The following NHS variants were observed in gnomAD, a reference collection of about 807,000 sequenced individuals.
NHS encodes actin remodeling regulator NHS.
In NHS, 5 loss-of-function variants were observed where a neutral mutation model predicts 72.5. The ratio of observed to expected loss-of-function variants is 0.07; its 90% CI spans 0.04 to 0.14. The LOEUF (loss-of-function observed/expected upper bound fraction) is 0.14, where lower values mean the gene tolerates loss of function less well. NHS is among the 10% of genes least tolerant of loss of function. The probability of loss-of-function intolerance (pLI) is 1.00; values close to 1 mark genes in which losing one functional copy is unlikely to be tolerated. For synonymous variants in NHS, 464 were observed against 547.7 expected (o/e 0.85, Z 2.13); for missense variants, 1,072 against 1,355.7 (o/e 0.79, Z 3.29).
At chrX:17,655,655 C>T (rs2065950508) in intron 1 of NHS, among the ~76,000 whole-genome samples, 3 of 112,850 alleles carry the variant, frequency 2.7e-5, no homozygotes, top group Admixed American at 1.9e-4. Flanking sequence ...GTTTGGCTGC[C>T]GCAGTCCTCT....
intron 1 of NHS, among the ~76,000 whole-genome samples, chrX:17,656,214 G>T (rs951100911): frequency 1.8e-5 from 2 of 113,028 alleles, no homozygotes; most frequent in Admixed American, 9.2e-5. Flanking sequence ...GCGCACGGGC[G>T]GTAGGATTTC....
At chrX:17,388,048 C>T (rs774111646) in intron 1 of NHS, among the ~76,000 whole-genome samples, 79 of 112,597 alleles carry the variant, frequency 7.0e-4, no homozygotes, top group Non-Finnish European at 1.4e-3. Context: ...TGCTGTGTGT[C>T]TCTGCATGGT....
At chrX:17,681,059 T>C (rs1045632083) in intron 1 of NHS, among the ~76,000 whole-genome samples, 53 of 112,382 alleles carry the variant, frequency 4.7e-4, no homozygotes, top group African/African-American at 1.5e-3. Context: ...CTTGGGGACA[T>C]TGAACCTGTC....
chrX:17,433,297 C>T (rs1350766475), intron 1 of NHS, among the ~76,000 whole-genome samples: 3 of 106,029 alleles, frequency 2.8e-5, no homozygotes, highest in African/African-American at 1.0e-4. Flanking sequence ...GATCTGCCCA[C>T]CTCGGCCTCC....
intron 1 of NHS, among the ~76,000 whole-genome samples, chrX:17,608,164 C>G (rs1365805077): frequency 4.5e-5 from 5 of 110,668 alleles, no homozygotes; most frequent in Admixed American, 1.9e-4. Context: ...ATCCCCCTGC[C>G]TCCGCCTCCC....
chrX:17,515,599 C>T (rs763659182), intron 1 of NHS, among the ~76,000 whole-genome samples: 112 of 111,863 alleles, frequency 1.0e-3, no homozygotes, highest in African/African-American at 3.5e-3. Context: ...TCATCTATAG[C>T]CTGTTGAAGT....
rs1159647179 is a variant in NHS at position 17,733,661 on chromosome X, A to G, written c.*1197A>G. 8.9e-6 allele frequency: 1 copy of G among 112,653 alleles called. No homozygotes were observed. Among genetic ancestry groups the G allele is most frequent in the Non-Finnish European group, 1.9e-5 (1 of 53,298 alleles). 9.3% of individuals were successfully genotyped at this position (112,653 alleles called of 1,213,427 possible). On this transcript the variant is annotated 3_prime_UTR_variant, in exon 9 of 9. Transcript: ENST00000676302. ...CTGATGAGATTCATGCTACCTAAAA[A>G]TTAACAGAAATGACACTGTGAACAA...
chrX:17,568,198 A>G (rs996641145), intron 1 of NHS, among the ~76,000 whole-genome samples: 3 of 112,173 alleles, frequency 2.7e-5, no homozygotes, highest in African/African-American at 9.7e-5. Flanking sequence ...GGCACATCAG[A>G]AACAGCTGTC....
chrX:17,447,596 T>A (rs1421186393), intron 1 of NHS, among the ~76,000 whole-genome samples: 1 of 111,352 alleles, frequency 9.0e-6, no homozygotes, highest in Non-Finnish European at 1.9e-5. Context: ...TCACTAATGA[T>A]GAGGAAAAGG....
At chrX:17,401,108 C>T (rs768919479) in intron 1 of NHS, among the ~76,000 whole-genome samples, 4 of 111,823 alleles carry the variant, frequency 3.6e-5, no homozygotes, top group South Asian at 3.8e-4. Context: ...AGTTGATTAT[C>T]GATAAGGGTG....
At chrX:17,396,702 C>T (rs2064476692) in intron 1 of NHS, among the ~76,000 whole-genome samples, 1 of 111,835 alleles carries the variant, frequency 8.9e-6, no homozygotes, top group Non-Finnish European at 1.9e-5. Flanking sequence ...GCCTACTCTG[C>T]TCTACAGTTA....
At chrX:17,546,452 A>T (rs1192836405) in intron 1 of NHS, among the ~76,000 whole-genome samples, 3 of 112,441 alleles carry the variant, frequency 2.7e-5, no homozygotes, top group Non-Finnish European at 5.6e-5. Flanking sequence ...TTTCAAGCTC[A>T]CACAATTTAT....
chrX:17,391,742 G>A (rs2146846057), intron 1 of NHS, among the ~76,000 whole-genome samples: 1 of 112,048 alleles, frequency 8.9e-6, no homozygotes, highest in East Asian at 2.8e-4. Flanking sequence ...TTCTTGGGGA[G>A]TGTGTACTTC....
At chrX:17,623,195 TC>T (rs777268458) in intron 1 of NHS, among the ~76,000 whole-genome samples, 8 of 112,005 alleles carry the variant, frequency 7.1e-5, no homozygotes, top group Non-Finnish European at 1.3e-4. Context: ...TGCCTCAGCC[TC>T]CCAAAGTGCT....
At chrX:17,512,633 A>T (rs1038217734) in intron 1 of NHS, among the ~76,000 whole-genome samples, 1 of 112,366 alleles carries the variant, frequency 8.9e-6, no homozygotes, top group African/African-American at 3.2e-5. Context: ...TTTCTTTCAG[A>T]CAAAATGGCA....
rs1052769808 is a variant in NHS at position 17,375,678 on chromosome X, C to G, written c.-80C>G. The G allele has an allele frequency of 3.7e-6, 4 of 1,074,488 alleles. No individual in the cohort carries two copies. Among genetic ancestry groups the G allele is most frequent in the Non-Finnish European group, 5.0e-6 (4 of 802,951 alleles). The allele number at this position is 1,074,488 out of a possible 1,213,427, so 88.5% of individuals were successfully genotyped here. ...CTTTTGCCGGACTCCTGCCCCCTCCCTGCTCAGGTGGGCGCGCCCGGTCTC... is the reference window on the plus strand; with the variant it reads ...CTTTTGCCGGACTCCTGCCCCCTCCGTGCTCAGGTGGGCGCGCCCGGTCTC... On this transcript the variant is annotated 5_prime_UTR_variant, in exon 1 of 9. Transcript: ENST00000676302.
intron 1 of NHS, among the ~76,000 whole-genome samples, chrX:17,679,869 GGT>G (rs1491036795): frequency 3.2e-4 from 33 of 102,722 alleles, no homozygotes; most frequent in Middle Eastern, 5.1e-3. Context: ...AGGGGGGGGG[GGT>G]GTGCGTTTCC....
intron 3 of NHS, among the ~76,000 whole-genome samples, chrX:17,703,061 G>A (rs1381232007): frequency 9.1e-6 from 1 of 110,058 alleles, no homozygotes; most frequent in African/African-American, 3.4e-5. Context: ...TTGAGCTCAG[G>A]AGTTTGAGAC....
chrX:17,383,913 C>A (rs1263910807), intron 1 of NHS, among the ~76,000 whole-genome samples: 1 of 111,990 alleles, frequency 8.9e-6, no homozygotes, highest in Non-Finnish European at 1.9e-5. Flanking sequence ...ATAATGAAGA[C>A]ATACCCCCTA....
Sources: allele counts gnomAD v4.1 joint callset (sites outside exome capture counted in the v4.1 genomes callset), GRCh38; gene constraint gnomAD v4.1.1; transcripts MANE v1.5; gene names NCBI Gene and HGNC (gene_info 2026-07-23, HGNC 2026-07-21).